Variants in MAST4 observed in about 807,000 individuals in gnomAD.
The protein encoded by MAST4 is microtubule-associated serine/threonine-protein kinase 4.
MAST4 carries 89 observed loss-of-function variants against 162.7 expected under a neutral mutation model. The observed-to-expected ratio is 0.55, with a 90% CI of 0.46 to 0.65. MAST4 has a LOEUF of 0.65. Ranked by LOEUF, MAST4 falls within the 30% of genes least tolerant of loss-of-function variation. MAST4 has a pLI of 0.00. For missense variants in MAST4, 3,153 were observed against 3,374.0 expected, an observed-to-expected ratio of 0.93 and a Z score of 1.62; for synonymous variants, 1,479 against 1,361.1, an observed-to-expected ratio of 1.09 and a Z score of -1.91.
chr5:66,990,411 G>A (rs1226150543), intron 4 of MAST4, among the ~76,000 whole-genome samples: 2 of 152,146 alleles, frequency 1.3e-5, no homozygotes, highest in African/African-American at 4.8e-5. Flanking sequence ...TGAGGCAGAA[G>A]GATTACTTGA....
intron 3 of MAST4, among the ~76,000 whole-genome samples, chr5:66,800,517 G>A (rs1205143169): frequency 3.9e-5 from 6 of 152,076 alleles, no homozygotes; most frequent in Admixed American, 2.0e-4. Context: ...ACAAAGTTGG[G>A]AACACCAGAC....
intron 4 of MAST4, among the ~76,000 whole-genome samples, chr5:67,050,961 T>C (rs1481796442): frequency 6.6e-6 from 1 of 152,134 alleles, no homozygotes; most frequent in Non-Finnish European, 1.5e-5. Context: ...AAGAATGTAT[T>C]TGGGGATGGA....
At chr5:66,671,829 C>A (rs990422229) in intron 1 of MAST4, among the ~76,000 whole-genome samples, 4 of 152,092 alleles carry the variant, frequency 2.6e-5, no homozygotes, top group Non-Finnish European at 4.4e-5. Flanking sequence ...CCAACTAATT[C>A]ACTCACTCTT....
At chr5:66,927,022 CTA>C (rs1014079010) in intron 4 of MAST4, among the ~76,000 whole-genome samples, 3 of 152,096 alleles carry the variant, frequency 2.0e-5, no homozygotes, top group African/African-American at 7.2e-5. Context: ...GATTCCCTTC[CTA>C]TGTTTTTTAA....
intron 4 of MAST4, among the ~76,000 whole-genome samples, chr5:67,031,258 C>A (rs901560398): frequency 6.6e-6 from 1 of 152,174 alleles, no homozygotes; most frequent in Non-Finnish European, 1.5e-5. Flanking sequence ...GCTAGTCCAG[C>A]AGAAAGCCCT....
At chr5:67,143,280 A>G (rs1770649079) in intron 21 of MAST4, among the ~76,000 whole-genome samples, 1 of 149,184 alleles carries the variant, frequency 6.7e-6, no homozygotes, top group African/African-American at 2.4e-5. Flanking sequence ...AAAAAGCCAA[A>G]AAAAAAAAAA....
chr5:67,003,064 T>C (rs1751469554), intron 4 of MAST4, among the ~76,000 whole-genome samples: 1 of 150,788 alleles, frequency 6.6e-6, no homozygotes, highest in Non-Finnish European at 1.5e-5. Flanking sequence ...TAGAAACTGC[T>C]CCGGAGCACA....
At chr5:66,909,859 T>G (rs567499278) in intron 4 of MAST4, among the ~76,000 whole-genome samples, 3 of 152,290 alleles carry the variant, frequency 2.0e-5, no homozygotes, top group African/African-American at 7.2e-5. Context: ...TCTCACAAGA[T>G]CTAATGGTTT....
At chr5:66,769,422 G>A (rs1754261611) in intron 2 of MAST4, among the ~76,000 whole-genome samples, 1 of 152,138 alleles carries the variant, frequency 6.6e-6, no homozygotes, top group Admixed American at 6.5e-5. Flanking sequence ...CCTGAAGAAT[G>A]ACTGAAATGT....
chr5:66,632,944 G>A (rs137901785), intron 1 of MAST4, among the ~76,000 whole-genome samples: 7 of 151,940 alleles, frequency 4.6e-5, no homozygotes, highest in African/African-American at 9.7e-5. Context: ...TGTAAATTTA[G>A]TGCAAATGAG....
At chr5:66,899,117 C>T (rs1366898982) in intron 3 of MAST4, among the ~76,000 whole-genome samples, 1 of 152,210 alleles carries the variant, frequency 6.6e-6, no homozygotes, top group Non-Finnish European at 1.5e-5. Context: ...CGACTCATTG[C>T]TTCCTGTTCT....
At chr5:67,151,661 A>G (rs1771822390) in intron 24 of MAST4, among the ~76,000 whole-genome samples, 1 of 152,030 alleles carries the variant, frequency 6.6e-6, no homozygotes, top group Admixed American at 6.6e-5. Flanking sequence ...TAATATATGT[A>G]GAGAATCAGT....
intron 5 of MAST4, among the ~76,000 whole-genome samples, chr5:67,069,881 A>AGTGT (rs200867949): frequency 0.28 from 39,814 of 142,514 alleles, 6,278 homozygotes; most frequent in East Asian, 0.53. Flanking sequence ...TTTGAGAGAA[A>AGTGT]GTGTGTGTGT....
At chr5:66,977,852 C>A (rs1002949777) in intron 4 of MAST4, among the ~76,000 whole-genome samples, 73 of 152,158 alleles carry the variant, frequency 4.8e-4, no homozygotes, top group African/African-American at 1.7e-3. Flanking sequence ...TTTGTGCATT[C>A]CAGTGGCATC....
intron 4 of MAST4, among the ~76,000 whole-genome samples, chr5:67,038,645 C>A (rs752579178): frequency 1.3e-5 from 2 of 152,120 alleles, no homozygotes; most frequent in Admixed American, 6.6e-5. Context: ...GACAGCATAA[C>A]CTCATGCTTA....
chr5:67,119,231 AGT>A lies in MAST4; in HGVS notation c.1659+483_1659+484del, dbSNP rs555351703. ...GGAGGAGTGGACAGGGAGATAACCC[AGT>A]CAGAGTTATGGCTTGAAAAAAAATC... On this transcript the variant is annotated intron_variant, in intron 13 of 28. Transcript: ENST00000403625. Among the ~76,000 whole-genome samples, 46 of 152,142 alleles carry A rather than the reference AGT, an allele frequency of 3.0e-4. No individual in the cohort carries two copies. The South Asian group carries it at 9.2e-3, about 30-fold the overall frequency.
At chr5:66,609,126 T>A (rs1391569596) in intron 1 of MAST4, among the ~76,000 whole-genome samples, 9 of 151,308 alleles carry the variant, frequency 5.9e-5, no homozygotes, top group African/African-American at 1.7e-4. Context: ...CAGAAAGACT[T>A]GGGTTTGGAT....
intron 4 of MAST4, among the ~76,000 whole-genome samples, chr5:66,983,232 T>C (rs572596457): frequency 6.6e-6 from 1 of 152,312 alleles, no homozygotes; most frequent in East Asian, 1.9e-4. Flanking sequence ...CATTTGTGGG[T>C]GAGATCCCTG....
At chr5:66,969,186 G>A (rs1685975313) in intron 4 of MAST4, among the ~76,000 whole-genome samples, 1 of 152,248 alleles carries the variant, frequency 6.6e-6, no homozygotes, top group South Asian at 2.1e-4. Context: ...CTGTGGCTGG[G>A]TCCCTGCGGC....
Sources: gnomAD v4.1 joint callset for allele counts (sites outside exome capture counted in the v4.1 genomes callset) on GRCh38, gnomAD v4.1.1 for gene constraint, MANE v1.5 for transcripts, NCBI Gene and HGNC (gene_info 2026-07-23, HGNC 2026-07-21) for gene names.